CSMD2: variants seen among roughly 807,000 people sequenced by gnomAD.
CSMD2 encodes the protein CUB and sushi domain-containing protein 2.
In CSMD2, 130 loss-of-function variants were observed where a neutral mutation model predicts 398.5. That is an observed-to-expected ratio of 0.33 (90% confidence interval 0.28 to 0.38). CSMD2 has a LOEUF of 0.38. Ranked by LOEUF, CSMD2 falls within the 10% of genes least tolerant of loss-of-function variation. The pLI, the probability that CSMD2 is intolerant of heterozygous loss-of-function variation, is 1.00. For missense variants in CSMD2, 3,829 were observed against 4,764.9 expected (o/e 0.80, Z 5.78); for synonymous variants, 1,828 against 1,908.5 (o/e 0.96, Z 1.10).
chr1:33,978,612 A>G (rs974459216), intron 3 of CSMD2, among the ~76,000 whole-genome samples: 6 of 152,212 alleles, frequency 3.9e-5, no homozygotes, highest in African/African-American at 1.4e-4. Context: ...CAGAGAAGAG[A>G]GGGAAGAGTG....
At chr1:33,749,746 T>G (rs1005201881) in intron 13 of CSMD2, among the ~76,000 whole-genome samples, 2 of 152,134 alleles carry the variant, frequency 1.3e-5, no homozygotes, top group Non-Finnish European at 2.9e-5. Context: ...ACATAACATA[T>G]GAAATATGGA....
intron 10 of CSMD2, among the ~76,000 whole-genome samples, chr1:33,793,695 A>AATGAGGCTGGTG (rs1553209101): frequency 6.6e-6 from 1 of 151,984 alleles, no homozygotes; most frequent in Admixed American, 6.6e-5. Context: ...CATTGGCAGG[A>AATGAGGCTGGTG]GTGAGGATGG....
intron 5 of CSMD2, among the ~76,000 whole-genome samples, chr1:33,917,547 C>G (rs768644587): frequency 6.6e-6 from 1 of 152,194 alleles, no homozygotes; most frequent in Non-Finnish European, 1.5e-5. Flanking sequence ...CCATGAAGCA[C>G]ACTACAGAAG....
chr1:33,654,427 T>C (rs558084206), intron 27 of CSMD2, among the ~76,000 whole-genome samples: 1 of 152,246 alleles, frequency 6.6e-6, no homozygotes, highest in Admixed American at 6.5e-5. Context: ...TCGGTAGCAG[T>C]AGCCAGAGTA....
At chr1:34,006,576 GTTT>G (rs10596887) in intron 3 of CSMD2, among the ~76,000 whole-genome samples, 13,243 of 152,108 alleles carry the variant, frequency 0.087, 1,096 homozygotes, top group East Asian at 0.39. Context: ...ACACTTCATT[GTTT>G]TGCAATTGCT....
Position 33,908,085 on chromosome 1 carries a change from C to CAAA in CSMD2, c.920+10006_920+10008dup, listed in dbSNP as rs35932181. On this transcript the variant is annotated intron_variant, in intron 5 of 70. Coordinates refer to ENST00000373381, the MANE Select transcript of CSMD2 (RefSeq NM_001281956.2). ...TGGCTGACAGAGCAAGACTCCATCT[C>CAAA]AAAAAAAAAAAAAAAAAAAAAAGAA... is the stretch of plus-strand genomic sequence containing the variant. Among the ~76,000 whole-genome samples, 402 of 77,026 alleles carry CAAA rather than the reference C, an allele frequency of 5.2e-3. 9 individuals are homozygous for CAAA. The highest frequency in any genetic ancestry group is 0.018 in the African/African-American group (299 of 16,378). The allele number at this position is 77,026 out of a possible 152,430, so 50.5% of individuals were successfully genotyped here. A position where few individuals can be genotyped will look rare whatever the true frequency, so the allele number is the denominator to read the frequency against.
chr1:33,697,819 G>C (rs767161434), intron 24 of CSMD2, among the ~76,000 whole-genome samples: 17 of 152,372 alleles, frequency 1.1e-4, no homozygotes, highest in South Asian at 6.2e-4. Flanking sequence ...GCAGTGAACA[G>C]GTTTTATTCT....
intron 50 of CSMD2, among the ~76,000 whole-genome samples, chr1:33,571,930 T>C (rs1659632767): frequency 6.6e-6 from 1 of 152,018 alleles, no homozygotes; most frequent in African/African-American, 2.4e-5. Context: ...TGCTAAAAAA[T>C]TAAAAATTAA....
rs748221979 is a variant in CSMD2, at chr1:33,569,452, C to T, written c.8053G>A (p.Gly2685Arg). The T allele has an allele frequency of 5.6e-6, 9 of 1,614,000 alleles. No homozygotes were observed. The highest frequency in any genetic ancestry group is 4.0e-5 in the African/African-American group (3 of 74,908). Residue 2685 changes from glycine to arginine, a missense_variant, in exon 52 of 71, where the codon GGA (glycine) becomes AGA (arginine). Gly to Arg is a moderately radical substitution (Grantham distance 125, BLOSUM62 -2). Transcript: ENST00000373381. ...GATAIFSCNS[G>R]YTLVGSRVRE... ...ACCCTGGAGCCCACCAGTGTGTATC[C>T]GGAATTGCAGGAGAAGATGGCTGTT... is the stretch of plus-strand genomic sequence containing the variant.
chr1:33,552,481 A>C (rs1221034776), intron 55 of CSMD2, among the ~76,000 whole-genome samples: 1 of 152,264 alleles, frequency 6.6e-6, no homozygotes, highest in Non-Finnish European at 1.5e-5. Context: ...AATTCATAAT[A>C]GCTAAAAAAT....
At chr1:34,141,557 C>T (rs1639298261) in intron 1 of CSMD2, among the ~76,000 whole-genome samples, 1 of 152,044 alleles carries the variant, frequency 6.6e-6, no homozygotes, top group Non-Finnish European at 1.5e-5. Flanking sequence ...TGGAGAGCCC[C>T]AAATCTATTT....
At chr1:33,646,517 G>T in intron 29 of CSMD2, 131 bp downstream of exon 29, 1 of 916,596 alleles carries the variant, frequency 1.1e-6, no homozygotes, top group Admixed American at 2.3e-5. Context: ...TTCTGCAGGC[G>T]GCAGCAGTGC....
intron 2 of CSMD2, among the ~76,000 whole-genome samples, chr1:34,076,930 T>TAA (rs1656437097): frequency 3.7e-5 from 1 of 27,178 alleles, no homozygotes; most frequent in South Asian, 2.3e-3. Flanking sequence ...AAAAAAAAAA[T>TAA]ATATATATAT....
At chr1:33,800,306 G>A (rs1042561995) in intron 10 of CSMD2, among the ~76,000 whole-genome samples, 2 of 152,300 alleles carry the variant, frequency 1.3e-5, no homozygotes, top group East Asian at 3.9e-4. Flanking sequence ...GAGGAGGGGA[G>A]GCCAGTAGGA....
At chr1:33,751,389 T>C (rs779654983) in intron 13 of CSMD2, among the ~76,000 whole-genome samples, 1 of 152,096 alleles carries the variant, frequency 6.6e-6, no homozygotes, top group Non-Finnish European at 1.5e-5. Context: ...CCATGTATCA[T>C]CTAGGCTGAA....
chr1:33,528,995 T>C (rs1056434016), intron 64 of CSMD2, among the ~76,000 whole-genome samples: 2 of 152,176 alleles, frequency 1.3e-5, no homozygotes, highest in African/African-American at 4.8e-5. Context: ...CTGCCAAAAT[T>C]CCAGCTCTCT....
intron 6 of CSMD2, among the ~76,000 whole-genome samples, chr1:33,827,020 C>T (rs767552302): frequency 6.6e-6 from 1 of 152,208 alleles, no homozygotes; most frequent in African/African-American, 2.4e-5. Context: ...CACACACAAT[C>T]CATCAGAAAA....
At chr1:33,984,865 AGGCAGGC>A (rs59780695) in intron 3 of CSMD2, among the ~76,000 whole-genome samples, 11,310 of 118,036 alleles carry the variant, frequency 0.096, 1,356 homozygotes, top group African/African-American at 0.32. Flanking sequence ...GAAGGAAGGC[AGGCAGGC>A]AGGCAGGCAG....
chr1:33,664,179 C>A (rs984241781), intron 25 of CSMD2, among the ~76,000 whole-genome samples: 1 of 152,184 alleles, frequency 6.6e-6, no homozygotes, highest in African/African-American at 2.4e-5. Flanking sequence ...GTCTCTCTTT[C>A]ACACAGCCAA....
Sources: allele counts gnomAD v4.1 joint callset (sites outside exome capture counted in the v4.1 genomes callset), GRCh38; gene constraint gnomAD v4.1.1; transcripts MANE v1.5; gene names NCBI Gene and HGNC (gene_info 2026-07-23, HGNC 2026-07-21).